Variants in MDGA2 observed in about 807,000 individuals in gnomAD.
The protein encoded by MDGA2 is MAM domain containing glycosylphosphatidylinositol anchor 2, also known as MAM domain-containing glycosylphosphatidylinositol anchor protein 2.
In MDGA2, 40 loss-of-function variants were observed where a neutral mutation model predicts 117.8. That is an observed-to-expected ratio of 0.34 (90% CI 0.26 to 0.44). MDGA2 has a LOEUF of 0.44. MDGA2 is among the 20% of genes least tolerant of loss of function. The probability of loss-of-function intolerance (pLI) is 1.00; values close to 1 mark genes in which losing one functional copy is unlikely to be tolerated. For synonymous variants in MDGA2, 452 were observed against 439.0 expected (o/e 1.03, Z -0.37); for missense variants, 1,123 against 1,250.6 (o/e 0.90, Z 1.54).
Position 47,630,544 on chromosome 14 carries a change from C to G in MDGA2, c.280+43973G>C, listed in dbSNP as rs562426839. Reference sequence around the variant, plus strand: ...TTACTTTTTGTGCTTACAGAATTATCCATACAATACAGAGACTTTCTTTCT... The same window carrying G: ...TTACTTTTTGTGCTTACAGAATTATGCATACAATACAGAGACTTTCTTTCT... On this transcript the variant is annotated intron_variant, in intron 1 of 16. Transcript: ENST00000399232. Among the ~76,000 whole-genome samples the G allele has an allele frequency of 1.2e-3, 190 of 152,242 alleles. 2 individuals carry two copies. In the South Asian group the frequency reaches 0.014, roughly 11 times the overall value.
In MDGA2 at chr14:46,862,220, A is replaced by G. The variant is rs908079873; in HGVS notation, c.2753-7066T>C. ...TCTTTTCCTTAGTTTCTTAATTCTC[A>G]TCTTTTGGTCACCACTCTCCAAAAA... is the stretch of plus-strand genomic sequence containing the variant. On this transcript the variant is annotated intron_variant, in intron 14 of 16. Transcript: ENST00000399232. Among the ~76,000 whole-genome samples, 13 of 151,834 alleles carry G rather than the reference A, an allele frequency of 8.6e-5. No homozygotes were observed. The South Asian group carries it at 1.7e-3, about 19-fold the overall frequency.
chr14:46,898,660 T>C (rs988753335), intron 10 of MDGA2, among the ~76,000 whole-genome samples: 2 of 152,104 alleles, frequency 1.3e-5, no homozygotes, highest in African/African-American at 4.8e-5. Context: ...AATCACATAT[T>C]GTGTGTTGGC....
intron 6 of MDGA2, among the ~76,000 whole-genome samples, chr14:47,072,719 G>C (rs1594590545): frequency 6.6e-6 from 1 of 152,094 alleles, no homozygotes; most frequent in African/African-American, 2.4e-5. Context: ...GAGTGATTCT[G>C]ATATACTCTC....
chr14:46,973,746 A>G (rs1886352660), intron 8 of MDGA2, among the ~76,000 whole-genome samples: 1 of 152,138 alleles, frequency 6.6e-6, no homozygotes, highest in African/African-American at 2.4e-5. Context: ...ACAAACTAAA[A>G]TTACCTCTGT....
chr14:47,124,836 G>GC (rs1351941871), intron 5 of MDGA2, among the ~76,000 whole-genome samples: 5 of 152,124 alleles, frequency 3.3e-5, no homozygotes, highest in African/African-American at 9.6e-5. Context: ...GCAGCCATCC[G>GC]CAAGCCAAGA....
chr14:47,258,828 T>A lies in MDGA2; in HGVS notation c.421-40633A>T, dbSNP rs529829629. On this transcript the variant is annotated intron_variant, in intron 2 of 16. Transcript: ENST00000399232. ...ATGCTGCTTATTTTTTTTTCATTTT[T>A]CTAATTAAGAACTGAGAAATTTGCT... 2.2e-4 allele frequency among the ~76,000 whole-genome samples: 34 copies of A among 152,122 alleles called. No homozygotes were observed. The South Asian group carries it at 6.6e-3, about 30-fold the overall frequency.
chr14:47,019,546 T>G (rs1343811726), intron 8 of MDGA2, among the ~76,000 whole-genome samples: 1 of 152,060 alleles, frequency 6.6e-6, no homozygotes, highest in Admixed American at 6.6e-5. Context: ...AGTCAAAATA[T>G]TATCTACCTG....
intron 9 of MDGA2, 52 bp from the exon 10 acceptor site, chr14:46,920,212 G>A (rs1884073463): frequency 1.3e-6 from 2 of 1,531,480 alleles, no homozygotes; most frequent in African/African-American, 1.4e-5. Context: ...TGTAGTGTAA[G>A]CATACTTATT....
intron 1 of MDGA2, among the ~76,000 whole-genome samples, chr14:47,345,809 C>T (rs1890750806): frequency 1.3e-5 from 2 of 151,990 alleles, no homozygotes; most frequent in African/African-American, 4.8e-5. Context: ...AACACAAATA[C>T]ATTTGGGGAT....
intron 1 of MDGA2, among the ~76,000 whole-genome samples, chr14:47,510,144 G>A (rs926663957): frequency 2.6e-5 from 4 of 152,090 alleles, no homozygotes; most frequent in Non-Finnish European, 5.9e-5. Flanking sequence ...CCTCCTGAAT[G>A]GGATTAGCAT....
In MDGA2 at chr14:47,295,942, A is replaced by G. The variant is rs977393662; in HGVS notation, c.420+5469T>C. Among the ~76,000 whole-genome samples, 708 of 148,608 alleles carry G rather than the reference A, an allele frequency of 4.8e-3. 4 individuals carry two copies. The highest frequency in any genetic ancestry group is 0.012 in the African/African-American group (488 of 40,446). ...TATAGATAGATGATAAGATAGATAG[A>G]TAGATAGATAGATAGATAGATAGAT... On this transcript the variant is annotated intron_variant, in intron 2 of 16. Coordinates refer to ENST00000399232, the MANE Select transcript of MDGA2 (RefSeq NM_001113498.3).
At chr14:46,878,093 C>T (rs1318698775) in intron 11 of MDGA2, among the ~76,000 whole-genome samples, 2 of 151,882 alleles carry the variant, frequency 1.3e-5, no homozygotes, top group East Asian at 3.9e-4. Flanking sequence ...TGTGCATGCA[C>T]ACAGAATTTT....
At chr14:47,115,016 C>CTTTTT in intron 5 of MDGA2, among the ~76,000 whole-genome samples, 1 of 150,222 alleles carries the variant, frequency 6.7e-6, no homozygotes, top group South Asian at 2.1e-4. Context: ...AAAATTTTTG[C>CTTTTT]TTATGCTTTT....
intron 1 of MDGA2, among the ~76,000 whole-genome samples, chr14:47,622,316 A>G (rs1897064062): frequency 6.6e-6 from 1 of 152,352 alleles, no homozygotes; most frequent in Non-Finnish European, 1.5e-5. Flanking sequence ...TATGAGTCAG[A>G]CACAGTGATA....
chr14:47,218,059 C>A lies in MDGA2; in HGVS notation c.557G>T (p.Gly186Val), dbSNP rs1886164577. ...TCTGATTGACTTTATCGCTGGAGAC[C>A]CCAAGCCATTCTCTGCTTTACAGTA... ...RYYCKAENGLGSPAIKSIRVD... is the reference protein window; with the variant it reads ...RYYCKAENGLVSPAIKSIRVD... Residue 186 changes from glycine (G) to valine (V), a missense_variant, in exon 3 of 17, where the codon GGG becomes GTG. Physicochemically the swap from Gly to Val is moderately radical, Grantham distance 109 (BLOSUM62 -3). Around this residue, in one of 2 missense-constraint regions of MDGA2, gnomAD observed 890 missense variants for 1,050.3 expected, o/e 0.85. Transcript: ENST00000399232. The A allele has an allele frequency of 6.4e-7, 1 of 1,550,564 alleles. No homozygotes were observed. The highest frequency in any genetic ancestry group is 1.2e-5 in the South Asian group (1 of 83,950).
rs191055156 is a variant in MDGA2, at chr14:46,964,985, A to G, written c.1820-7342T>C. Among the ~76,000 whole-genome samples, 286 of 126,160 alleles carry G rather than the reference A, an allele frequency of 2.3e-3. 26 individuals carry two copies. Among genetic ancestry groups the G allele is most frequent in the African/African-American group, 7.5e-3 (219 of 29,194 alleles). The allele number at this position is 126,160 out of a possible 152,430, so 82.8% of individuals were successfully genotyped here. A position where few individuals can be genotyped will look rare whatever the true frequency, so the allele number is the denominator to read the frequency against. On this transcript the variant is annotated intron_variant, in intron 8 of 16. Transcript: ENST00000399232. ...GTCGTCCAGGCTGGAGTGCAGTGGC[A>G]CGATCTCGGCTCACTGCAAGCTCCG...
intron 1 of MDGA2, among the ~76,000 whole-genome samples, chr14:47,345,480 GA>G (rs1890744508): frequency 6.6e-6 from 1 of 151,798 alleles, no homozygotes. Context: ...AAAAGATGAA[GA>G]AAAAAATGAA....
chr14:47,565,255 A>G (rs530036393), intron 1 of MDGA2, among the ~76,000 whole-genome samples: 70 of 152,122 alleles, frequency 4.6e-4, no homozygotes, highest in Non-Finnish European at 6.3e-4. Context: ...TGTTCCTTCA[A>G]TCTTTCAAGT....
intron 3 of MDGA2, among the ~76,000 whole-genome samples, chr14:47,152,313 T>C (rs1883193529): frequency 6.6e-6 from 1 of 152,204 alleles, no homozygotes; most frequent in African/African-American, 2.4e-5. Flanking sequence ...AATATTTTTT[T>C]GAGTTTCTAT....
Sources: gnomAD v4.1 joint callset for allele counts (sites outside exome capture counted in the v4.1 genomes callset) on GRCh38, gnomAD v4.1.1 for gene constraint, gnomAD v4.1.1 regional missense constraint, MANE v1.5 for transcripts, NCBI Gene and HGNC (gene_info 2026-07-23, HGNC 2026-07-21) for gene names.